The following LSM14A variants were observed in gnomAD, a reference collection of about 807,000 sequenced individuals.
LSM14A encodes protein LSM14 homolog A.
In LSM14A, 14 loss-of-function variants were observed where a neutral mutation model predicts 52.4. The observed-to-expected ratio is 0.27, with a 90% CI of 0.18 to 0.42. The LOEUF is 0.42. LSM14A is among the 10% of genes least tolerant of loss of function. The probability of loss-of-function intolerance (pLI) is 1.00; values close to 1 mark genes in which losing one functional copy is unlikely to be tolerated. For missense variants in LSM14A, 417 were observed against 581.8 expected, an observed-to-expected ratio of 0.72 and a Z score of 2.91; for synonymous variants, 185 against 200.3, an observed-to-expected ratio of 0.92 and a Z score of 0.64.
chr19:34,216,394 C>A (rs2145840040), intron 6 of LSM14A, among the ~76,000 whole-genome samples: 1 of 150,860 alleles, frequency 6.6e-6, no homozygotes, highest in Non-Finnish European at 1.5e-5. Flanking sequence ...GCCTAGGCGA[C>A]AGAGCCAGAC....
At chr19:34,181,032 A>G (rs894466918) in intron 1 of LSM14A, among the ~76,000 whole-genome samples, 1 of 152,332 alleles carries the variant, frequency 6.6e-6, no homozygotes, top group African/African-American at 2.4e-5. Flanking sequence ...GATAATTTTG[A>G]TAAACTTACC....
intron 1 of LSM14A, among the ~76,000 whole-genome samples, chr19:34,193,980 G>A (rs2070655794): frequency 6.6e-6 from 1 of 152,164 alleles, no homozygotes; most frequent in South Asian, 2.1e-4. Context: ...AGACCAGCCT[G>A]TGCAAAATAG....
At chr19:34,173,869 CAGAT>C (rs1419647422) in intron 1 of LSM14A, among the ~76,000 whole-genome samples, 12 of 152,192 alleles carry the variant, frequency 7.9e-5, no homozygotes, top group African/African-American at 2.4e-4. Flanking sequence ...AAATCGTTAA[CAGAT>C]AGGGGAGTGG....
chr19:34,196,456 C>G (rs1330954732), intron 2 of LSM14A, among the ~76,000 whole-genome samples, 178 bp from the exon 3 acceptor site: 2 of 152,000 alleles, frequency 1.3e-5, no homozygotes, highest in Non-Finnish European at 2.9e-5. Context: ...ACATTATAGA[C>G]AGATACTGAA....
chr19:34,225,431 A>G (rs1174760795), intron 9 of LSM14A, among the ~76,000 whole-genome samples: 2 of 152,208 alleles, frequency 1.3e-5, no homozygotes, highest in African/African-American at 4.8e-5. Flanking sequence ...TATCTGAAAC[A>G]TCTAACACTT....
chr19:34,200,198 A>G (rs2071192306), intron 3 of LSM14A, among the ~76,000 whole-genome samples: 1 of 152,238 alleles, frequency 6.6e-6, no homozygotes, highest in Non-Finnish European at 1.5e-5. Flanking sequence ...AAAAGATTCA[A>G]TATTACAAAG....
intron 1 of LSM14A, among the ~76,000 whole-genome samples, chr19:34,192,323 T>TTTTTTTTTTTTTTTTTTTTTTTG (rs2070469073): frequency 1.0e-5 from 1 of 99,186 alleles, no homozygotes; most frequent in Non-Finnish European, 2.1e-5. Context: ...TTTGTTGTTT[T>TTTTTTTTTTTTTTTTTTTTTTTG]TTTTTTTTTT....
At chr19:34,226,416 A>T (rs1304429514) in intron 9 of LSM14A, 19 of 1,423,778 alleles carry the variant, frequency 1.3e-5, no homozygotes, top group Non-Finnish European at 1.8e-5. Context: ...AGAAAACCAC[A>T]GCTTTTGGAC....
At chr19:34,179,142 T>C (rs761753586) in intron 1 of LSM14A, among the ~76,000 whole-genome samples, 12 of 152,256 alleles carry the variant, frequency 7.9e-5, no homozygotes, top group Non-Finnish European at 1.6e-4. Flanking sequence ...AGAGACTTTA[T>C]GAAGAACGAT....
intron 2 of LSM14A, among the ~76,000 whole-genome samples, chr19:34,195,820 T>C (rs1285877889): frequency 1.3e-5 from 2 of 152,250 alleles, no homozygotes; most frequent in Non-Finnish European, 2.9e-5. Context: ...ATCGGTTTTA[T>C]GGAAGGAGAA....
rs1189519794 is a variant in LSM14A, at chr19:34,215,585, T to G, written c.716-11T>G. 3.7e-6 allele frequency: 6 copies of G among 1,608,320 alleles called. No homozygotes were observed. Among genetic ancestry groups the G allele is most frequent in the South Asian group, 2.2e-5 (2 of 90,900 alleles). On this transcript the variant is annotated splice_polypyrimidine_tract_variant and intron_variant, in intron 5 of 9. Transcript: ENST00000544216. ...GAGTTGATTTGGCACTTTGCATGTCTTCTTCTGTAGCTGAAGTACACAAAG... is the reference window on the plus strand; with the variant it reads ...GAGTTGATTTGGCACTTTGCATGTCGTCTTCTGTAGCTGAAGTACACAAAG...
rs1396802672 is a variant in LSM14A at position 34,227,789 on chromosome 19, GTTGTGTGTGTGTGTGT to G, written c.*402_*417del. The G allele has an allele frequency of 1.6e-5, 2 of 125,534 alleles. No homozygotes were observed. The highest frequency in any genetic ancestry group is 7.1e-5 in the African/African-American group (2 of 28,010). The allele number at this position is 125,534 out of a possible 1,614,324, so 7.8% of individuals were successfully genotyped here. ...GATACTGTGTTTTGAGCCACAGAAG[GTTGTGTGTGTGTGTGT>G]GTGTGTGTGTGTGTGTGTGTGTGTA... On this transcript the variant is annotated 3_prime_UTR_variant, in exon 10 of 10. Coordinates refer to ENST00000544216, the MANE Select transcript of LSM14A (RefSeq NM_015578.4).
chr19:34,196,648 A>T lies in LSM14A; in HGVS notation c.300A>T (p.Ser100=), dbSNP rs764897329. 3 of 1,611,148 alleles carry T rather than the reference A, an allele frequency of 1.9e-6. No homozygotes were observed. Among genetic ancestry groups the T allele is most frequent in the Admixed American group, 3.4e-5 (2 of 59,386 alleles). ...DPAIVQSSLG[S]STSSFQSMGS... ...TTTTCCTTCAGTCCTCACTAGGCTC[A>T]TCGACTTCTTCATTCCAGTCCATGG... Residue 100 remains serine (S), a synonymous_variant, in exon 3 of 10, where the codon TCA becomes TCT. Coordinates refer to ENST00000544216, the MANE Select transcript of LSM14A (RefSeq NM_015578.4).
rs2073046742 is a variant in LSM14A, at chr19:34,221,319, G to A, written c.1137-188G>A. ...GCTAGTCTCGAACTCCTGACTTCAG[G>A]CGATCCGCCCCCTCGGCCTCCCAAA... is the stretch of plus-strand genomic sequence containing the variant. On this transcript the variant is annotated intron_variant, in intron 8 of 9. Coordinates refer to ENST00000544216, the MANE Select transcript of LSM14A (RefSeq NM_015578.4). The A allele has an allele frequency of 1.1e-5, 7 of 614,240 alleles. No homozygotes were observed. In the South Asian group the frequency reaches 1.2e-4, roughly 11 times the overall value. 38.0% of individuals were successfully genotyped at this position (614,240 alleles called of 1,614,324 possible). A position where few individuals can be genotyped will look rare whatever the true frequency, so the allele number is the denominator to read the frequency against.
chr19:34,194,731 G>A lies in LSM14A; in HGVS notation c.285+90G>A, dbSNP rs1421216411. The A allele has an allele frequency of 2.0e-5, 24 of 1,191,552 alleles. No individual in the cohort carries two copies. In the Admixed American group the frequency reaches 4.7e-4, roughly 23 times the overall value. The allele number at this position is 1,191,552 out of a possible 1,614,324, so 73.8% of individuals were successfully genotyped here. A position where few individuals can be genotyped will look rare whatever the true frequency, so the allele number is the denominator to read the frequency against. On this transcript the variant is annotated intron_variant, in intron 2 of 9. Coordinates refer to ENST00000544216, the MANE Select transcript of LSM14A (RefSeq NM_015578.4). Reference sequence around the variant, plus strand: ...TTCTCTCTAGTTGAATGTTCATGTAGCTTATCATTTCCAAGTTACTGGGAT... The same window carrying A: ...TTCTCTCTAGTTGAATGTTCATGTAACTTATCATTTCCAAGTTACTGGGAT...
chr19:34,216,209 C>T (rs1292416345), intron 6 of LSM14A, among the ~76,000 whole-genome samples: 1 of 151,936 alleles, frequency 6.6e-6, no homozygotes, highest in African/African-American at 2.4e-5. Flanking sequence ...GTCAGGAGCT[C>T]GAGACCAGCC....
chr19:34,184,184 T>C (rs371475572), intron 1 of LSM14A, among the ~76,000 whole-genome samples: 54 of 151,674 alleles, frequency 3.6e-4, no homozygotes, highest in African/African-American at 1.3e-3. Context: ...GCCTCCTGAG[T>C]AGCTGGGATG....
At chr19:34,177,725 A>AAAAAATTTT (rs76279549) in intron 1 of LSM14A, among the ~76,000 whole-genome samples, 51,887 of 151,206 alleles carry the variant, frequency 0.34, 9,293 homozygotes, top group African/African-American at 0.38. Flanking sequence ...CCATTTCTAC[A>AAAAAATTTT]AAAAATTTTA....
Position 34,227,662 on chromosome 19 carries a change from C to A in LSM14A, c.*274C>A, listed in dbSNP as rs148354109. ...TATGTATAGTTAAACTAAAGCAGTA[C>A]TTCAGTGGGACTTAACAAGTATTTT... On this transcript the variant is annotated 3_prime_UTR_variant, in exon 10 of 10. Coordinates refer to ENST00000544216, the MANE Select transcript of LSM14A (RefSeq NM_015578.4). 5.6e-6 allele frequency: 2 copies of A among 356,790 alleles called. No individual in the cohort carries two copies. Among genetic ancestry groups the A allele is most frequent in the East Asian group, 9.0e-5 (2 of 22,254 alleles). The allele number at this position is 356,790 out of a possible 1,614,324, so 22.1% of individuals were successfully genotyped here.
Sources: gnomAD v4.1 joint callset for allele counts (sites outside exome capture counted in the v4.1 genomes callset) on GRCh38, gnomAD v4.1.1 for gene constraint, MANE v1.5 for transcripts, NCBI Gene and HGNC (gene_info 2026-07-23, HGNC 2026-07-21) for gene names.